The following PRKN variants were observed in gnomAD, a reference collection of about 807,000 sequenced individuals.
The protein encoded by PRKN is E3 ubiquitin-protein ligase parkin.
Under a neutral mutation model 59.5 loss-of-function variants are expected in PRKN, and 56 were observed. That is an observed-to-expected ratio of 0.94 (90% CI 0.76 to 1.18). PRKN has a LOEUF of 1.18. Among genes scored for constraint, PRKN ranks in the 50% most tolerant of loss-of-function variants. The pLI is 0.00. For missense variants in PRKN, 657 were observed against 596.4 expected, an observed-to-expected ratio of 1.10 and a Z score of -1.06; for synonymous variants, 250 against 222.1, an observed-to-expected ratio of 1.13 and a Z score of -1.12.
At chr6:161,915,625 C>T (rs893522048) in intron 6 of PRKN, among the ~76,000 whole-genome samples, 1 of 152,206 alleles carries the variant, frequency 6.6e-6, no homozygotes, top group Non-Finnish European at 1.5e-5. Flanking sequence ...AGAACCAGAA[C>T]ATTTTCATTA....
chr6:162,011,656 T>A (rs73030422), intron 5 of PRKN, among the ~76,000 whole-genome samples: 30,758 of 147,482 alleles, frequency 0.21, 3,468 homozygotes, highest in African/African-American at 0.29. Flanking sequence ...AGCAAAAACC[T>A]TGATAGCGGT....
intron 9 of PRKN, among the ~76,000 whole-genome samples, chr6:161,489,697 G>A (rs16892615): frequency 0.015 from 2,227 of 151,954 alleles, 54 homozygotes; most frequent in African/African-American, 0.051. Flanking sequence ...ATTTATGCAG[G>A]AATTCCTAGA....
chr6:161,827,716 C>T (rs1229912330), intron 6 of PRKN, among the ~76,000 whole-genome samples: 1 of 151,974 alleles, frequency 6.6e-6, no homozygotes, highest in African/African-American at 2.4e-5. Context: ...CTATGTTGGC[C>T]AGTCTGCTCT....
chr6:162,477,994 T>C (rs1279148854), intron 1 of PRKN, among the ~76,000 whole-genome samples: 1 of 152,114 alleles, frequency 6.6e-6, no homozygotes, highest in African/African-American at 2.4e-5. Flanking sequence ...TGCAGGGTCC[T>C]AAAGCGCAGG....
intron 5 of PRKN, among the ~76,000 whole-genome samples, chr6:162,023,154 G>A (rs1345863076): frequency 2.0e-5 from 3 of 151,952 alleles, no homozygotes; most frequent in Non-Finnish European, 2.9e-5. Flanking sequence ...CAGGCTGTGG[G>A]GCTCCCACCC....
chr6:161,897,313 T>C (rs1777664778), intron 6 of PRKN, among the ~76,000 whole-genome samples: 2 of 152,362 alleles, frequency 1.3e-5, no homozygotes, highest in Non-Finnish European at 2.9e-5. Flanking sequence ...TTCATGCTTC[T>C]TCTCTCCTAT....
rs1331515304 is a variant in PRKN at position 161,448,437 on chromosome 6, C to T, written c.1084-61560G>A. 2.0e-5 allele frequency among the ~76,000 whole-genome samples: 3 copies of T among 152,138 alleles called. No individual in the cohort carries two copies. The highest frequency in any genetic ancestry group is 4.4e-5 in the Non-Finnish European group (3 of 68,022). ...TACAAAGACTAATGTAATCAGGACT[C>T]ACATATCCACATCTTAGATTTAATG... On this transcript the variant is annotated intron_variant, in intron 9 of 11. Coordinates refer to ENST00000366898, the MANE Select transcript of PRKN (RefSeq NM_004562.3). The surrounding 1 kb of genome is among the most constrained non-coding windows in gnomAD (Gnocchi z 5.1).
rs542480343 is a variant in PRKN at position 161,411,302 on chromosome 6, C to T, written c.1084-24425G>A. On this transcript the variant is annotated intron_variant, in intron 9 of 11. Coordinates refer to ENST00000366898, the MANE Select transcript of PRKN (RefSeq NM_004562.3). ...ACTGTCCTTGTGGTAGTGAATAAGT[C>T]TCACAAGATCTGATGGTTTTATAAA... is the stretch of plus-strand genomic sequence containing the variant. 2.6e-5 allele frequency among the ~76,000 whole-genome samples: 4 copies of T among 152,234 alleles called. No homozygotes were observed. In the South Asian group the frequency reaches 8.3e-4, roughly 32 times the overall value.
intron 1 of PRKN, among the ~76,000 whole-genome samples, chr6:162,635,710 A>C (rs1256286940): frequency 6.6e-6 from 1 of 152,270 alleles, no homozygotes; most frequent in South Asian, 2.1e-4. Context: ...AGTGGTAATC[A>C]TATAAAAAAC....
chr6:162,649,325 C>A (rs1474569780), intron 1 of PRKN, among the ~76,000 whole-genome samples: 2 of 152,000 alleles, frequency 1.3e-5, no homozygotes, highest in East Asian at 3.9e-4. Flanking sequence ...GTTAAGGTAA[C>A]CATATAATTC....
chr6:162,467,547 ATATT>A (rs1338983665), intron 1 of PRKN, among the ~76,000 whole-genome samples: 1 of 152,042 alleles, frequency 6.6e-6, no homozygotes, highest in Non-Finnish European at 1.5e-5. Flanking sequence ...TATCTCCAAA[ATATT>A]TATTAGATTT....
intron 2 of PRKN, among the ~76,000 whole-genome samples, chr6:162,354,447 G>A (rs1415785308): frequency 6.6e-6 from 1 of 151,986 alleles, no homozygotes; most frequent in African/African-American, 2.4e-5. Flanking sequence ...AACTCTAAAT[G>A]AGTAATATAA....
chr6:161,801,143 G>A (rs138510317), intron 6 of PRKN, among the ~76,000 whole-genome samples: 17 of 152,284 alleles, frequency 1.1e-4, no homozygotes, highest in African/African-American at 3.6e-4. Context: ...ACAGCCCACC[G>A]GTGACGGAGC....
intron 6 of PRKN, among the ~76,000 whole-genome samples, chr6:161,817,732 C>A (rs1435874777): frequency 6.6e-6 from 1 of 151,952 alleles, no homozygotes; most frequent in Non-Finnish European, 1.5e-5. Flanking sequence ...GACTAAGTTA[C>A]AATAAAAACA....
At chr6:162,668,552 G>C (rs2849543) in intron 1 of PRKN, among the ~76,000 whole-genome samples, 95,460 of 152,000 alleles carry the variant, frequency 0.63, 30,728 homozygotes, top group African/African-American at 0.75. Context: ...TGGGCCAGCA[G>C]TTGAAGGAGA....
At chr6:162,037,828 A>G (rs1409150388) in intron 5 of PRKN, among the ~76,000 whole-genome samples, 2 of 152,028 alleles carry the variant, frequency 1.3e-5, no homozygotes, top group Admixed American at 1.3e-4. Flanking sequence ...TACAGGCATG[A>G]GCCACTACAT....
At chr6:161,643,307 C>T (rs1187026002) in intron 7 of PRKN, among the ~76,000 whole-genome samples, 1 of 151,992 alleles carries the variant, frequency 6.6e-6, no homozygotes, top group African/African-American at 2.4e-5. Flanking sequence ...ACAATTAAAC[C>T]GGAGGGAGGA....
intron 6 of PRKN, among the ~76,000 whole-genome samples, chr6:161,842,466 TAAAAAAA>T (rs61182650): frequency 7.4e-6 from 1 of 135,806 alleles, no homozygotes; most frequent in African/African-American, 2.8e-5. Flanking sequence ...AATGAGACTC[TAAAAAAA>T]AAAAAAAAAT....
chr6:161,366,246 A>C (rs1379414247), intron 10 of PRKN, among the ~76,000 whole-genome samples: 2 of 152,124 alleles, frequency 1.3e-5, no homozygotes, highest in Non-Finnish European at 2.9e-5. Context: ...CTAGAGCCTG[A>C]GGTTGAGGCT....
Sources: gnomAD v4.1 joint callset for allele counts (sites outside exome capture counted in the v4.1 genomes callset) on GRCh38, gnomAD v4.1.1 for gene constraint, Gnocchi (gnomAD v3.1) non-coding constraint, MANE v1.5 for transcripts, NCBI Gene and HGNC (gene_info 2026-07-23, HGNC 2026-07-21) for gene names.